The following TDP1 variants were observed in gnomAD, a reference collection of about 807,000 sequenced individuals.
TDP1 encodes the protein tyr-DNA phosphodiesterase 1.
Under a neutral mutation model 81.5 loss-of-function variants are expected in TDP1, and 64 were observed. The observed-to-expected ratio is 0.79, with a 90% CI of 0.64 to 0.97. The LOEUF (loss-of-function observed/expected upper bound fraction) is 0.97. Ranked by LOEUF, TDP1 falls within the 50% of genes least tolerant of loss-of-function variation. The probability of loss-of-function intolerance (pLI) is 0.00; values close to 1 mark genes in which losing one functional copy is unlikely to be tolerated. For synonymous variants in TDP1, 256 were observed against 264.3 expected, an observed-to-expected ratio of 0.97 and a Z score of 0.30; for missense variants, 723 against 743.8, an observed-to-expected ratio of 0.97 and a Z score of 0.33.
chr14:90,031,768 C>G (rs1448667772), intron 15 of TDP1, among the ~76,000 whole-genome samples: 2 of 152,120 alleles, frequency 1.3e-5, no homozygotes, highest in Admixed American at 6.5e-5. Flanking sequence ...GGATGCTGTT[C>G]CCTCCACCTG....
Position 89,963,259 on chromosome 14 carries a change from T to G in TDP1, c.145T>G (p.Ser49Ala). ...AGCAAATGAGCCCAGGTACACCTGTTCCGAGGCCCAGAAAGCTGCACACAA... is the reference window on the plus strand; with the variant it reads ...AGCAAATGAGCCCAGGTACACCTGTGCCGAGGCCCAGAAAGCTGCACACAA... ...GAANEPRYTCSEAQKAAHKRK... is the reference protein window; with the variant it reads ...GAANEPRYTCAEAQKAAHKRK... The change falls in exon 3 of 17, where the codon TCC becomes GCC. Residue 49 changes from serine (S) to alanine (A), a missense_variant. Transcript: ENST00000335725. 1 of 1,614,136 alleles carries G rather than the reference T, an allele frequency of 6.2e-7. No homozygotes were observed. Among genetic ancestry groups the G allele is most frequent in the South Asian group, 1.1e-5 (1 of 91,084 alleles).
intron 14 of TDP1, among the ~76,000 whole-genome samples, chr14:90,018,293 G>GA (rs1885555482): frequency 6.6e-6 from 1 of 152,190 alleles, no homozygotes; most frequent in South Asian, 2.1e-4. Flanking sequence ...GAGCCTAACT[G>GA]AAAAAATGTT....
chr14:89,971,605 T>C (rs1416499363), intron 6 of TDP1, among the ~76,000 whole-genome samples: 1 of 152,250 alleles, frequency 6.6e-6, no homozygotes, highest in Non-Finnish European at 1.5e-5. Flanking sequence ...TGATCTGTCC[T>C]GTCTCCCTTC....
upstream of TDP1, chr14:89,955,245 A>C (rs1411781196): frequency 6.6e-6 from 1 of 152,438 alleles, no homozygotes; most frequent in Non-Finnish European, 1.5e-5. Flanking sequence ...TGTGCCTGGC[A>C]CAAAGTAGAT....
At chr14:90,016,330 A>T (rs2140247618) in intron 14 of TDP1, among the ~76,000 whole-genome samples, 1 of 152,172 alleles carries the variant, frequency 6.6e-6, no homozygotes, top group East Asian at 1.9e-4. Context: ...GGTGTGAGCC[A>T]CTGTGCCCAG....
In TDP1 at chr14:89,975,764, CTTCT is replaced by C; in HGVS notation, c.757-14_757-11del. 6 of 1,607,854 alleles carry C rather than the reference CTTCT, an allele frequency of 3.7e-6. No individual in the cohort carries two copies. The highest frequency in any genetic ancestry group is 5.1e-6 in the Non-Finnish European group (6 of 1,174,434). Reference sequence around the variant, plus strand: ...TAGTGAGTTGTTTTTAAATAAATGACTTCTTTTTCATCCTAGGCAAAGTTGGATA... The same window carrying C: ...TAGTGAGTTGTTTTTAAATAAATGACTTTTCATCCTAGGCAAAGTTGGATA... On this transcript the variant is annotated splice_polypyrimidine_tract_variant and intron_variant, in intron 6 of 16. Transcript: ENST00000335725.
intron 15 of TDP1, 181 bp from the exon 16 acceptor site, chr14:90,032,925 A>G (rs1887444066): frequency 2.1e-6 from 2 of 930,574 alleles, no homozygotes; most frequent in African/African-American, 3.6e-5. Context: ...TTAGAAAGGA[A>G]AATAATTTGG....
rs35580144 is a variant in TDP1, at chr14:89,980,687, G to C, written c.884+55G>C. The C allele has an allele frequency of 8.8e-4, 1,195 of 1,357,732 alleles. 6 individuals are homozygous for C. The African/African-American group carries it at 0.015, about 17-fold the overall frequency. The allele number at this position is 1,357,732 out of a possible 1,614,324, so 84.1% of individuals were successfully genotyped here. On this transcript the variant is annotated intron_variant, in intron 8 of 16. Coordinates refer to ENST00000335725, the MANE Select transcript of TDP1 (RefSeq NM_018319.4). Reference sequence around the variant, plus strand: ...GTGTGTGTGTTGATAAAGGTCAAAAGCCAGAACATTCACTTTATTCTTTTT... The same window carrying C: ...GTGTGTGTGTTGATAAAGGTCAAAACCCAGAACATTCACTTTATTCTTTTT...
chr14:89,984,095 G>A (rs1341812630), intron 8 of TDP1: 1 of 985,118 alleles, frequency 1.0e-6, no homozygotes, highest in Non-Finnish European at 1.2e-6. Flanking sequence ...TGCAGACAAG[G>A]GCAAATTCTT....
chr14:89,995,031 A>G (rs1294765823), intron 14 of TDP1, among the ~76,000 whole-genome samples: 2 of 152,250 alleles, frequency 1.3e-5, no homozygotes, highest in African/African-American at 4.8e-5. Context: ...TACTGTGAAT[A>G]TCTGCTTTAA....
intron 6 of TDP1, among the ~76,000 whole-genome samples, chr14:89,972,902 C>T (rs971548437): frequency 1.3e-5 from 2 of 152,196 alleles, no homozygotes; most frequent in East Asian, 1.9e-4. Flanking sequence ...GAGTGAATTA[C>T]ATCCTTTCTG....
rs1174069197 is a variant in TDP1, at chr14:90,043,626, C to T, written c.*483C>T. The T allele has an allele frequency of 1.0e-5, 2 of 191,766 alleles. No individual in the cohort carries two copies. Among genetic ancestry groups the T allele is most frequent in the African/African-American group, 2.4e-5 (1 of 41,924 alleles). 11.9% of individuals were successfully genotyped at this position (191,766 alleles called of 1,614,324 possible). A position where few individuals can be genotyped will look rare whatever the true frequency, so the allele number is the denominator to read the frequency against. On this transcript the variant is annotated 3_prime_UTR_variant, in exon 17 of 17. Coordinates refer to ENST00000335725, the MANE Select transcript of TDP1 (RefSeq NM_018319.4). ...TTTTATGCATGAAACAAAGTTTTGA[C>T]AGGCTTTTGACCGTGATTCATCACA...
chr14:90,005,794 T>C, intron 14 of TDP1, among the ~76,000 whole-genome samples: 1 of 152,268 alleles, frequency 6.6e-6, no homozygotes, highest in Admixed American at 6.5e-5. Context: ...TAAGCAGTTT[T>C]TGGTTGTCAC....
chr14:90,039,495 C>T (rs35882378), intron 16 of TDP1, among the ~76,000 whole-genome samples: 1,965 of 152,098 alleles, frequency 0.013, 51 homozygotes, highest in African/African-American at 0.045. Context: ...TTCTGGAGGT[C>T]GTACATCAGG....
At chr14:89,994,331 T>A (rs1896482098) in intron 14 of TDP1, among the ~76,000 whole-genome samples, 1 of 152,202 alleles carries the variant, frequency 6.6e-6, no homozygotes, top group Non-Finnish European at 1.5e-5. Context: ...GGCTGGCAAG[T>A]CCAAAATCCA....
At chr14:90,042,926 G>C (rs1318831647) in intron 16 of TDP1, 144 bp from the exon 17 acceptor site, 1 of 1,538,192 alleles carries the variant, frequency 6.5e-7, no homozygotes. Flanking sequence ...GTTGTCTGAA[G>C]GGGGAGAATC....
At position 89,967,082 on chromosome 14, in the gene TDP1, A is replaced by G. The variant is rs1057413565; in HGVS notation, c.604-285A>G. 3 of 985,272 alleles carry G rather than the reference A, an allele frequency of 3.0e-6. No homozygotes were observed. The African/African-American group carries it at 5.2e-5, about 17-fold the overall frequency. 61.0% of individuals were successfully genotyped at this position (985,272 alleles called of 1,614,324 possible). ...TCTCAGGGCCATTAGACATAATGTA[A>G]TAACACCCTGCGGACAAGTACAGAT... On this transcript the variant is annotated intron_variant, in intron 4 of 16. Transcript: ENST00000335725.
chr14:90,030,160 G>A (rs990612455), intron 15 of TDP1, among the ~76,000 whole-genome samples: 1 of 152,172 alleles, frequency 6.6e-6, no homozygotes, highest in Non-Finnish European at 1.5e-5. Flanking sequence ...ATGTGAGCAG[G>A]GAAACCTGGG....
chr14:90,000,764 A>C (rs575523514), intron 14 of TDP1, among the ~76,000 whole-genome samples: 85 of 152,292 alleles, frequency 5.6e-4, no homozygotes, highest in African/African-American at 2.0e-3. Flanking sequence ...CTGTTTCCAA[A>C]ATTGGGGTTT....
Sources: allele counts gnomAD v4.1 joint callset (sites outside exome capture counted in the v4.1 genomes callset), GRCh38; gene constraint gnomAD v4.1.1; transcripts MANE v1.5; gene names NCBI Gene and HGNC (gene_info 2026-07-23, HGNC 2026-07-21).